Variants in STARD13 observed in about 807,000 individuals in gnomAD.
STARD13 encodes the protein StAR related lipid transfer domain containing 13, also known as stAR-related lipid transfer protein 13.
STARD13 carries 62 observed loss-of-function variants against 106.4 expected under a neutral mutation model. The ratio of observed to expected loss-of-function variants is 0.58; its 90% CI spans 0.48 to 0.72. The LOEUF is 0.72. Among genes scored for constraint, STARD13 ranks in the 30% least tolerant of loss-of-function variants. The pLI, the probability that STARD13 is intolerant of heterozygous loss-of-function variation, is 0.00. For synonymous variants in STARD13, 565 were observed against 553.0 expected (o/e 1.02, Z -0.31); for missense variants, 1,387 against 1,424.0 (o/e 0.97, Z 0.42).
At chr13:33,183,698 A>G (rs1019478177) in intron 1 of STARD13, among the ~76,000 whole-genome samples, 21 of 15,158 alleles carry the variant, frequency 1.4e-3, no homozygotes, top group Admixed American at 3.0e-3. Flanking sequence ...GTCATCTCCA[A>G]TCTGGAGGAA....
chr13:33,160,689 T>G (rs571498659), intron 3 of STARD13, among the ~76,000 whole-genome samples: 5 of 152,166 alleles, frequency 3.3e-5, no homozygotes, highest in Non-Finnish European at 7.4e-5. Context: ...TTCAACATTA[T>G]TAGTCATTAA....
chr13:33,393,575 C>G, the STARD13 span, among the ~76,000 whole-genome samples: 17 of 152,150 alleles, frequency 1.1e-4, no homozygotes, highest in East Asian at 3.1e-3. Context: ...AGTACTTTGT[C>G]AACTAAAATT....
the STARD13 span, among the ~76,000 whole-genome samples, chr13:33,407,221 G>T: frequency 1.3e-5 from 2 of 152,190 alleles, no homozygotes; most frequent in Admixed American, 6.5e-5. Context: ...TGGGCAGCGG[G>T]GTGGTCTCTA....
chr13:33,519,206 T>TC, the STARD13 span, among the ~76,000 whole-genome samples: 280 of 43,912 alleles, frequency 6.4e-3, 1 homozygote, highest in African/African-American at 0.042. Flanking sequence ...CTCTTGGTAA[T>TC]TTTTTCTTTC....
At chr13:33,561,132 T>C in the STARD13 span, among the ~76,000 whole-genome samples, 5 of 151,558 alleles carry the variant, frequency 3.3e-5, no homozygotes, top group Non-Finnish European at 5.9e-5. Context: ...CTTGTAAAAG[T>C]ATTAATCCAG....
At chr13:33,377,196 A>G in the STARD13 span, among the ~76,000 whole-genome samples, 3 of 152,244 alleles carry the variant, frequency 2.0e-5, no homozygotes, top group Admixed American at 6.5e-5. Flanking sequence ...TTTTCCATCA[A>G]TAATGAGTAC....
the STARD13 span, among the ~76,000 whole-genome samples, chr13:33,537,560 A>G: frequency 6.6e-6 from 1 of 152,206 alleles, no homozygotes; most frequent in African/African-American, 2.4e-5. Flanking sequence ...AGTCCTGATC[A>G]TTCGATCTTT....
At chr13:33,206,937 C>G (rs1266778990) in intron 1 of STARD13, among the ~76,000 whole-genome samples, 1 of 152,064 alleles carries the variant, frequency 6.6e-6, no homozygotes, top group Non-Finnish European at 1.5e-5. Context: ...GCAGTGTCCT[C>G]GAACATGAAA....
At chr13:33,374,263 T>C in the STARD13 span, among the ~76,000 whole-genome samples, 1 of 152,026 alleles carries the variant, frequency 6.6e-6, no homozygotes, top group Non-Finnish European at 1.5e-5. Flanking sequence ...AAAGTAGAAA[T>C]GGTGGTTTCC....
At chr13:33,550,987 A>G in the STARD13 span, among the ~76,000 whole-genome samples, 1 of 152,256 alleles carries the variant, frequency 6.6e-6, no homozygotes, top group Non-Finnish European at 1.5e-5. Context: ...ATAGATAAGT[A>G]TAAATGCTTC....
the STARD13 span, among the ~76,000 whole-genome samples, chr13:33,499,543 CT>C: frequency 2.0e-5 from 1 of 50,112 alleles, no homozygotes; most frequent in Admixed American, 2.3e-4. Flanking sequence ...TCTTCTTCTT[CT>C]TCTTCTTCTT....
the STARD13 span, among the ~76,000 whole-genome samples, chr13:33,443,401 G>A: frequency 6.7e-6 from 1 of 150,122 alleles, no homozygotes; most frequent in Admixed American, 6.7e-5. Flanking sequence ...AATTGGTTAG[G>A]ATGATAAATT....
At chr13:33,497,996 A>T in the STARD13 span, among the ~76,000 whole-genome samples, 1 of 152,186 alleles carries the variant, frequency 6.6e-6, no homozygotes, top group Non-Finnish European at 1.5e-5. Flanking sequence ...ATAACAACCA[A>T]CTTTTTACTA....
intron 1 of STARD13, among the ~76,000 whole-genome samples, chr13:33,343,588 A>AAAACAAAC (rs1555264013): frequency 0.013 from 1,309 of 97,276 alleles, 31 homozygotes; most frequent in African/African-American, 0.056. Context: ...AAAAAAAAAA[A>AAAACAAAC]AAAAAAAAAC....
intron 3 of STARD13, 97 bp from the exon 4 acceptor site, chr13:33,142,470 C>G (rs1357895293): frequency 2.9e-6 from 3 of 1,049,972 alleles, no homozygotes; most frequent in East Asian, 4.8e-5. Context: ...GTTGAAACTG[C>G]AGGAACAACC....
At position 33,109,915 on chromosome 13, in the gene STARD13, T is replaced by C; in HGVS notation, c.3005A>G (p.Asn1002Ser). ...TCTGGAAGGATGGGGAGCCATGCTG[T>C]TCAGCACATACTGGTAGATCTCTGT... ...RQTEIYQYVLNSMAPHPSRDF... is the reference protein window; with the variant it reads ...RQTEIYQYVLSSMAPHPSRDF... Residue 1002 changes from asparagine to serine, a missense_variant, in exon 12 of 14, where the codon AAC becomes AGC. Coordinates refer to ENST00000336934, the MANE Select transcript of STARD13 (RefSeq NM_178006.4). 1 of 1,614,262 alleles carries C rather than the reference T, an allele frequency of 6.2e-7. No homozygotes were observed.
chr13:33,493,735 C>G, the STARD13 span, among the ~76,000 whole-genome samples: 2 of 152,032 alleles, frequency 1.3e-5, no homozygotes, highest in Non-Finnish European at 2.9e-5. Flanking sequence ...CAATGCATAT[C>G]CAAAAGAAGA....
chr13:33,247,954 G>A (rs116696584), intron 1 of STARD13, among the ~76,000 whole-genome samples: 2,660 of 152,268 alleles, frequency 0.017, 91 homozygotes, highest in African/African-American at 0.062. Flanking sequence ...TTTTCATGTG[G>A]GTGATTTACC....
chr13:33,264,626 CAT>C (rs1355153582), intron 1 of STARD13, among the ~76,000 whole-genome samples: 1 of 152,140 alleles, frequency 6.6e-6, no homozygotes, highest in Non-Finnish European at 1.5e-5. Context: ...ATTGCATTGA[CAT>C]ATAAATACGG....
Sources: allele counts gnomAD v4.1 joint callset (sites outside exome capture counted in the v4.1 genomes callset), GRCh38; gene constraint gnomAD v4.1.1; transcripts MANE v1.5; gene names NCBI Gene and HGNC (gene_info 2026-07-23, HGNC 2026-07-21).